The following DCAF17 variants were observed in gnomAD, a reference collection of about 807,000 sequenced individuals.
DCAF17 encodes the protein DDB1 and CUL4 associated factor 17.
Under a neutral mutation model 66.0 loss-of-function variants are expected in DCAF17, and 48 were observed. The observed-to-expected ratio is 0.73, with a 90% CI of 0.58 to 0.92. DCAF17 has a LOEUF of 0.92. DCAF17 is among the 40% of genes least tolerant of loss of function. DCAF17 has a pLI of 0.00. For synonymous variants in DCAF17, 206 were observed against 214.6 expected, an observed-to-expected ratio of 0.96 and a Z score of 0.35; for missense variants, 562 against 622.8, an observed-to-expected ratio of 0.90 and a Z score of 1.04.
In DCAF17 at chr2:171,451,727, C is replaced by T. The variant is rs1041911402; in HGVS notation, c.538-1397C>T. Among the ~76,000 whole-genome samples, 5 of 152,104 alleles carry T rather than the reference C, an allele frequency of 3.3e-5. No individual in the cohort carries two copies. In the East Asian group the frequency reaches 9.6e-4, roughly 29 times the overall value. On this transcript the variant is annotated intron_variant, in intron 5 of 13. Coordinates refer to ENST00000375255, the MANE Select transcript of DCAF17 (RefSeq NM_025000.4). ...AGTAGCTGGGACTACAGGCGTGCAC[C>T]ACCAGGCCCAGCTAATTTTTGTATT...
At chr2:171,458,140 T>G in intron 7 of DCAF17, 65 bp downstream of exon 7, 1 of 1,453,456 alleles carries the variant, frequency 6.9e-7, no homozygotes, top group South Asian at 1.1e-5. Context: ...TATGATTTTT[T>G]TTTTTAGTGA....
intron 10 of DCAF17, among the ~76,000 whole-genome samples, chr2:171,475,192 A>AT (rs988405641): frequency 1.3e-5 from 2 of 152,086 alleles, no homozygotes; most frequent in Non-Finnish European, 2.9e-5. Context: ...TTCTATTCAT[A>AT]TTTTATGGCC....
In DCAF17 at chr2:171,482,123, T is replaced by A. The variant is rs567960772; in HGVS notation, c.*1009T>A. The A allele has an allele frequency of 4.5e-6, 2 of 448,512 alleles. No individual in the cohort carries two copies. Among genetic ancestry groups the A allele is most frequent in the East Asian group, 1.4e-4 (2 of 14,366 alleles). The allele number at this position is 448,512 out of a possible 1,614,324, so 27.8% of individuals were successfully genotyped here. A position where few individuals can be genotyped will look rare whatever the true frequency, so the allele number is the denominator to read the frequency against. On this transcript the variant is annotated 3_prime_UTR_variant, in exon 14 of 14. Coordinates refer to ENST00000375255, the MANE Select transcript of DCAF17 (RefSeq NM_025000.4). ...AAATATGGTCCTTGACTTTTAATAA[T>A]CATTCTTTAGAATGTTAAATAAAGG...
chr2:171,478,228 A>G (rs922348154), intron 12 of DCAF17, among the ~76,000 whole-genome samples, 158 bp downstream of exon 12: 2 of 152,134 alleles, frequency 1.3e-5, no homozygotes, highest in African/African-American at 2.4e-5. Flanking sequence ...ACCAGTGCAA[A>G]CCCATCATCC....
chr2:171,452,480 C>G (rs1417130159), intron 5 of DCAF17, among the ~76,000 whole-genome samples: 1 of 152,114 alleles, frequency 6.6e-6, no homozygotes, highest in African/African-American at 2.4e-5. Flanking sequence ...TATTTAGAGA[C>G]AGCATGTCTG....
At position 171,481,174 on chromosome 2, in the gene DCAF17, C is replaced by T; in HGVS notation, c.*60C>T. On this transcript the variant is annotated 3_prime_UTR_variant, in exon 14 of 14. Transcript: ENST00000375255. Reference sequence around the variant, plus strand: ...AGCCAAACACCCCAGCAGCTGCGTCCAATCCATTTTATTATCTGCATGGCA... The same window carrying T: ...AGCCAAACACCCCAGCAGCTGCGTCTAATCCATTTTATTATCTGCATGGCA... 6.2e-7 allele frequency: 1 copy of T among 1,604,048 alleles called. No individual in the cohort carries two copies. The highest frequency in any genetic ancestry group is 8.5e-7 in the Non-Finnish European group (1 of 1,171,732).
rs138657121 is a variant in DCAF17 at position 171,453,436 on chromosome 2, G to A, written c.627+223G>A. On this transcript the variant is annotated intron_variant, in intron 6 of 13. Transcript: ENST00000375255. ...CTCAGGTGGATCATATTGGATACCT[G>A]TGGTCATTAACAAACTACTATGTTA... is the stretch of plus-strand genomic sequence containing the variant. 4.1e-3 allele frequency among the ~76,000 whole-genome samples: 628 copies of A among 151,874 alleles called. No individual in the cohort carries two copies. The highest frequency in any genetic ancestry group is 0.014 in the African/African-American group (561 of 41,444).
intron 12 of DCAF17, among the ~76,000 whole-genome samples, chr2:171,478,684 A>G (rs909605099): frequency 2.8e-4 from 42 of 152,210 alleles, no homozygotes; most frequent in African/African-American, 9.9e-4. Flanking sequence ...CTATCTAACT[A>G]TATTATTTGT....
chr2:171,470,044 G>T (rs1184983133), intron 9 of DCAF17, among the ~76,000 whole-genome samples: 2 of 152,072 alleles, frequency 1.3e-5, no homozygotes, highest in Non-Finnish European at 2.9e-5. Flanking sequence ...TTTATTTAGA[G>T]ACAGAGTCTC....
intron 5 of DCAF17, among the ~76,000 whole-genome samples, chr2:171,451,723 G>A (rs2105758224): frequency 6.6e-6 from 1 of 152,150 alleles, no homozygotes; most frequent in African/African-American, 2.4e-5. Flanking sequence ...CTACAGGCGT[G>A]CACCACCAGG....
At chr2:171,436,796 C>T (rs1334470901) in intron 2 of DCAF17, among the ~76,000 whole-genome samples, 4 of 136,260 alleles carry the variant, frequency 2.9e-5, no homozygotes, top group African/African-American at 8.2e-5. Flanking sequence ...TTTTTTGAGA[C>T]AGAGTTTTGC....
In DCAF17 at chr2:171,482,126, T is replaced by C. The variant is rs1425356221; in HGVS notation, c.*1012T>C. The C allele has an allele frequency of 1.3e-5, 6 of 448,002 alleles. No individual in the cohort carries two copies. Among genetic ancestry groups the C allele is most frequent in the Admixed American group, 4.8e-5 (2 of 41,622 alleles). The allele number at this position is 448,002 out of a possible 1,614,324, so 27.8% of individuals were successfully genotyped here. ...TATGGTCCTTGACTTTTAATAATCATTCTTTAGAATGTTAAATAAAGGCAA... is the reference window on the plus strand; with the variant it reads ...TATGGTCCTTGACTTTTAATAATCACTCTTTAGAATGTTAAATAAAGGCAA... On this transcript the variant is annotated 3_prime_UTR_variant, in exon 14 of 14. Transcript: ENST00000375255.
At chr2:171,441,362 C>G (rs1281143384) in intron 2 of DCAF17, among the ~76,000 whole-genome samples, 1 of 152,150 alleles carries the variant, frequency 6.6e-6, no homozygotes, top group Non-Finnish European at 1.5e-5. Context: ...AAACACTGAC[C>G]TCAGATCTTC....
chr2:171,449,834 G>C (rs1271595230), intron 4 of DCAF17, 45 bp from the exon 5 acceptor site: 4 of 1,487,218 alleles, frequency 2.7e-6, no homozygotes, highest in Non-Finnish European at 3.7e-6. Context: ...TTAAGTATAA[G>C]GAAACTGACC....
At chr2:171,450,754 G>C (rs553382751) in intron 5 of DCAF17, among the ~76,000 whole-genome samples, 1 of 152,204 alleles carries the variant, frequency 6.6e-6, no homozygotes, top group South Asian at 2.1e-4. Context: ...TAGTGTCCTT[G>C]ATTGCAAAAC....
At chr2:171,458,584 C>A in intron 8 of DCAF17, 107 bp downstream of exon 8, 1 of 907,636 alleles carries the variant, frequency 1.1e-6, no homozygotes, top group Non-Finnish European at 1.7e-6. Flanking sequence ...TTAAAAAACT[C>A]AATTCATTTT....
chr2:171,466,262 T>TAAATGA, intron 8 of DCAF17, among the ~76,000 whole-genome samples: 1 of 152,372 alleles, frequency 6.6e-6, no homozygotes, highest in South Asian at 2.1e-4. Flanking sequence ...GTATTACAGG[T>TAAATGA]GTAGCCCTTC....
intron 8 of DCAF17, among the ~76,000 whole-genome samples, chr2:171,460,705 A>G (rs1243541379): frequency 4.0e-5 from 6 of 151,658 alleles, no homozygotes; most frequent in African/African-American, 7.3e-5. Flanking sequence ...TAATTTTTGT[A>G]TTTTTTGTTT....
At chr2:171,476,422 T>C (rs1696500149) in intron 10 of DCAF17, among the ~76,000 whole-genome samples, 1 of 152,232 alleles carries the variant, frequency 6.6e-6, no homozygotes, top group South Asian at 2.1e-4. Context: ...AATTGCTGAT[T>C]GAATTTCTTT....
Sources: allele counts gnomAD v4.1 joint callset (sites outside exome capture counted in the v4.1 genomes callset), GRCh38; gene constraint gnomAD v4.1.1; transcripts MANE v1.5; gene names NCBI Gene and HGNC (gene_info 2026-07-23, HGNC 2026-07-21).